The following JAG2 variants were observed in gnomAD, a reference collection of about 807,000 sequenced individuals.
JAG2 encodes the protein protein jagged-2.
Under a neutral mutation model 141.7 loss-of-function variants are expected in JAG2, and 46 were observed. That is an observed-to-expected ratio of 0.32 (90% CI 0.26 to 0.42). The LOEUF (loss-of-function observed/expected upper bound fraction) is 0.42, where lower values mean the gene tolerates loss of function less well. Among genes scored for constraint, JAG2 ranks in the 10% least tolerant of loss-of-function variants. JAG2 has a pLI of 1.00. For missense variants in JAG2, 1,500 were observed against 1,817.5 expected (o/e 0.83, Z 3.18); for synonymous variants, 862 against 763.5 (o/e 1.13, Z -2.13).
intron 2 of JAG2, among the ~76,000 whole-genome samples, chr14:105,163,735 A>G (rs587648145): frequency 6.6e-6 from 1 of 151,040 alleles, no homozygotes; most frequent in South Asian, 2.1e-4. Flanking sequence ...GCAGACAGGG[A>G]CCCTGCTCAG....
chr14:105,148,073 G>A (rs1372779755), intron 17 of JAG2, 43 bp downstream of exon 17: 2 of 1,466,528 alleles, frequency 1.4e-6, no homozygotes, highest in South Asian at 1.2e-5. Flanking sequence ...GTGCCTGGGA[G>A]GGCATATGCC....
Position 105,144,878 on chromosome 14 carries a change from A to G in JAG2, c.3084+52T>C, listed in dbSNP as rs186887988. 7 of 1,583,976 alleles carry G rather than the reference A, an allele frequency of 4.4e-6. No individual in the cohort carries two copies. In the Admixed American group the frequency reaches 1.2e-4, roughly 27 times the overall value. On this transcript the variant is annotated intron_variant, in intron 24 of 25. Transcript: ENST00000331782. ...TCTGTCCAGCATAGCCAGGACCTGC[A>G]TAGTACGGGACCCAGGGCCCACCCA...
In JAG2 at chr14:105,150,549, C is replaced by T; in HGVS notation, c.1602+55G>A. The T allele has an allele frequency of 2.0e-6, 3 of 1,506,666 alleles. No individual in the cohort carries two copies. The East Asian group carries it at 7.4e-5, about 37-fold the overall frequency. The allele number at this position is 1,506,666 out of a possible 1,614,324, so 93.3% of individuals were successfully genotyped here. A position where few individuals can be genotyped will look rare whatever the true frequency, so the allele number is the denominator to read the frequency against. On this transcript the variant is annotated intron_variant, in intron 12 of 25. Transcript: ENST00000331782. ...AGGCCCCATGGTCAGGGGACGAGGC[C>T]TGCCCTACAGCTCCCAGAGCAGCAG...
chr14:105,145,509 G>T (rs1042558589), intron 23 of JAG2, among the ~76,000 whole-genome samples: 1 of 152,184 alleles, frequency 6.6e-6, no homozygotes, highest in Non-Finnish European at 1.5e-5. Flanking sequence ...GGACAAACAG[G>T]CACCCCCAGC....
Position 105,152,298 on chromosome 14 carries a change from G to A in JAG2, c.789-7C>T. ...TTGCCAGCCGTAGCTGCACCTGGGG[G>A]AAGGAGGAGGGGCGCAAGACCCAGT... is the stretch of plus-strand genomic sequence containing the variant. On this transcript the variant is annotated splice_polypyrimidine_tract_variant and splice_region_variant and intron_variant, in intron 5 of 25. Coordinates refer to ENST00000331782, the MANE Select transcript of JAG2 (RefSeq NM_002226.5). 1.2e-6 allele frequency: 2 copies of A among 1,612,718 alleles called. No individual in the cohort carries two copies. The highest frequency in any genetic ancestry group is 1.7e-6 in the Non-Finnish European group (2 of 1,179,744).
Position 105,141,471 on chromosome 14 carries a change from CG to C in JAG2, c.*1223del, listed in dbSNP as rs1566756328. ...TGTTTTCAGCTGTTTTAGTCAGGGTCGGGTGCCAGGCACCTAGACACCCCCC... is the reference window on the plus strand; with the variant it reads ...TGTTTTCAGCTGTTTTAGTCAGGGTCGGTGCCAGGCACCTAGACACCCCCC... On this transcript the variant is annotated 3_prime_UTR_variant, in exon 26 of 26. Transcript: ENST00000331782. 1 of 152,218 alleles carries C rather than the reference CG, an allele frequency of 6.6e-6. No individual in the cohort carries two copies. The highest frequency in any genetic ancestry group is 2.4e-5 in the African/African-American group (1 of 41,444). 9.4% of individuals were successfully genotyped at this position (152,218 alleles called of 1,614,324 possible). A position where few individuals can be genotyped will look rare whatever the true frequency, so the allele number is the denominator to read the frequency against.
chr14:105,150,939 C>CG, intron 10 of JAG2, 28 bp from the exon 11 acceptor site: 4 of 1,592,104 alleles, frequency 2.5e-6, no homozygotes, highest in Non-Finnish European at 3.4e-6. Flanking sequence ...GGGTCAGAGG[C>CG]GGGGTCCCAT....
At chr14:105,161,078 C>G (rs1047176063) in intron 2 of JAG2, among the ~76,000 whole-genome samples, 1 of 150,170 alleles carries the variant, frequency 6.7e-6, no homozygotes, top group Non-Finnish European at 1.5e-5. Context: ...GTGACTGTTG[C>G]GGGTCTGAGT....
Position 105,146,460 on chromosome 14 carries a change from C to T in JAG2, c.2634G>A (p.Pro878=), listed in dbSNP as rs377562088. The change falls in exon 22 of 26, where the codon CCG becomes CCA. Residue 878 remains proline, a synonymous_variant. Transcript: ENST00000331782. ...FGRSCWSRGT[P]FPHGSSWVED... ...CCACCCAGGAGCTTCCGTGTGGGAA[C>T]GGAGTGCCCCGGGACCAGCAGGATC... 1.7e-5 allele frequency: 28 copies of T among 1,612,640 alleles called. No homozygotes were observed. The highest frequency in any genetic ancestry group is 3.3e-5 in the South Asian group (3 of 91,094).
rs772477012 is a variant in JAG2, at chr14:105,142,762, G to A, written c.3650C>T (p.Ser1217Leu). Reference sequence around the variant, plus strand: ...CGCGCGGTTGTCCACTTTGGGGCCTGAGGCCCAGTGGGCCGGCCTCCCCGG... The same window carrying A: ...CGCGCGGTTGTCCACTTTGGGGCCTAAGGCCCAGTGGGCCGGCCTCCCCGG... ...RSPGRPAHWA[S>L]GPKVDNRAVR... Residue 1217 changes from serine to leucine, a missense_variant, in exon 26 of 26, where the codon TCA (serine) becomes TTA (leucine). By Grantham distance (145) the Ser-to-Leu change is moderately radical (BLOSUM62 -2). Transcript: ENST00000331782. The A allele has an allele frequency of 3.7e-6, 6 of 1,610,622 alleles. No individual in the cohort carries two copies. The highest frequency in any genetic ancestry group is 2.2e-5 in the East Asian group (1 of 44,810).
chr14:105,145,956 C>A lies in JAG2; in HGVS notation c.2727G>T (p.Lys909Asn). 1 of 1,590,872 alleles carries A rather than the reference C, an allele frequency of 6.3e-7. No homozygotes were observed. Among genetic ancestry groups the A allele is most frequent in the Non-Finnish European group, 8.5e-7 (1 of 1,170,614 alleles). The change falls in exon 23 of 26, where the codon AAG becomes AAT. Residue 909 changes from lysine (K) to asparagine (N), a missense_variant. Lys to Asn is a moderately conservative substitution (Grantham distance 94). Transcript: ENST00000331782. Reference protein sequence around the residue: ...RDCSKVWCGWKPCLLAGQPEA... With the variant: ...RDCSKVWCGWNPCLLAGQPEA... ...CGGGCTGGCCGGCCAGCAGACAAGG[C>A]TTCCATCCGCACCACACCTGGGCAG...
Position 105,143,042 on chromosome 14 carries a change from C to A in JAG2, c.3370G>T (p.Ala1124Ser). The A allele has an allele frequency of 3.7e-6, 6 of 1,604,120 alleles. No individual in the cohort carries two copies. The highest frequency in any genetic ancestry group is 4.2e-6 in the Non-Finnish European group (5 of 1,179,666). ...TTGAGCGGGGCCCACTGGTTGTTGG[C>A]GCTCTCCTCCCGCGGCAGCCGGCTC... ...ERSRLPREES[A>S]NNQWAPLNPI... is the part of the protein sequence containing the mutation. Residue 1124 changes from alanine to serine, a missense_variant, in exon 26 of 26, where the codon GCC becomes TCC. Ala to Ser is a moderately conservative substitution (Grantham distance 99). Around this residue, in one of 3 missense-constraint regions of JAG2, gnomAD observed 425 missense variants for 441.0 expected, o/e 0.96. Coordinates refer to ENST00000331782, the MANE Select transcript of JAG2 (RefSeq NM_002226.5).
chr14:105,147,976 A>C, intron 17 of JAG2, 88 bp from the exon 18 acceptor site: 1 of 1,216,806 alleles, frequency 8.2e-7, no homozygotes, highest in South Asian at 1.3e-5. Context: ...CAGACAGGGC[A>C]GACAGACCCG....
Position 105,150,847 on chromosome 14 carries a change from C to A in JAG2, c.1428+18G>T, listed in dbSNP as rs1271328604. The A allele has an allele frequency of 6.3e-7, 1 of 1,575,866 alleles. No individual in the cohort carries two copies. The highest frequency in any genetic ancestry group is 1.8e-5 in the Admixed American group (1 of 54,988). On this transcript the variant is annotated intron_variant, in intron 11 of 25. Coordinates refer to ENST00000331782, the MANE Select transcript of JAG2 (RefSeq NM_002226.5). ...CCCCGCAGCACCCACGCCACACACC[C>A]TCCTGGCCCCGCCTCACCTTGCAGG... is the stretch of plus-strand genomic sequence containing the variant.
In JAG2 at chr14:105,144,943, A is replaced by G; in HGVS notation, c.3071T>C (p.Val1024Ala). ...CTGGGCACTCACCACGGCCACCTCCACAGCACTGGCCCCCGAGGACGCCCG... is the reference window on the plus strand; with the variant it reads ...CTGGGCACTCACCACGGCCACCTCCGCAGCACTGGCCCCCGAGGACGCCCG... Reference protein sequence around the residue: ...CDRASSGASAVEVAVSFSPAR... With the variant: ...CDRASSGASAAEVAVSFSPAR... Residue 1024 changes from valine to alanine, a missense_variant, in exon 24 of 26, where the codon GTG (valine) becomes GCG (alanine). This residue lies in a region of JAG2 where 425 missense variants were observed against 441.0 expected (regional missense o/e 0.96). Coordinates refer to ENST00000331782, the MANE Select transcript of JAG2 (RefSeq NM_002226.5). 6.2e-7 allele frequency: 1 copy of G among 1,600,556 alleles called. No individual in the cohort carries two copies. The highest frequency in any genetic ancestry group is 8.5e-7 in the Non-Finnish European group (1 of 1,176,882).
Position 105,143,473 on chromosome 14 carries a change from C to T in JAG2, c.3241+9G>A, listed in dbSNP as rs118005500. On this transcript the variant is annotated intron_variant, in intron 25 of 25. Coordinates refer to ENST00000331782, the MANE Select transcript of JAG2 (RefSeq NM_002226.5). ...GGTGCCTTCCCAGGGGCCCACCTCC[C>T]GCGCTTACCTGTGGAAGAGCCGCCC... 1.4e-5 allele frequency: 21 copies of T among 1,546,256 alleles called. No homozygotes were observed. Among genetic ancestry groups the T allele is most frequent in the African/African-American group, 9.5e-5 (7 of 73,432 alleles).
In JAG2 at chr14:105,143,557, G is replaced by A. The variant is rs371312658; in HGVS notation, c.3166C>T (p.Arg1056Trp). 10 of 1,599,422 alleles carry A rather than the reference G, an allele frequency of 6.3e-6. No individual in the cohort carries two copies. Among genetic ancestry groups the A allele is most frequent in the East Asian group, 4.5e-5 (2 of 44,388 alleles). The change falls in exon 25 of 26, where the codon CGG (arginine) becomes TGG (tryptophan). Residue 1056 changes from arginine (R) to tryptophan (W), a missense_variant. This residue lies in a region of JAG2 where 425 missense variants were observed against 441.0 expected (regional missense o/e 0.96). Transcript: ENST00000331782. ...GCCAGGAGCAGTGAGCTGTTCCCCC[G>A]CTGGGTGATGGCGGCCACGATGGCG... ...AHAIVAAITQ[R>W]GNSSLLLAVT...
At chr14:105,146,075 G>A in intron 22 of JAG2, 102 bp from the exon 23 acceptor site, 2 of 1,514,826 alleles carry the variant, frequency 1.3e-6, no homozygotes, top group Non-Finnish European at 1.8e-6. Flanking sequence ...CCATGCCAAG[G>A]AGGGACACCG....
In JAG2 at chr14:105,149,258, C is replaced by T; in HGVS notation, c.1665G>A (p.Glu555=). The stretch of plus-strand genomic sequence containing the variant: ...CAGGGCAGGCGCAGTAATAGTCACC[C>T]TCCAGGTTATAGCAGCGAGCGCCGT... The part of the protein sequence containing the change: ...CRNGARCYNL[E]GDYYCACPDD... Residue 555 remains glutamate, a synonymous_variant, in exon 13 of 26, where the codon GAG becomes GAA. Transcript: ENST00000331782. 1 of 1,612,692 alleles carries T rather than the reference C, an allele frequency of 6.2e-7. No individual in the cohort carries two copies.
Sources: allele counts gnomAD v4.1 joint callset (sites outside exome capture counted in the v4.1 genomes callset), GRCh38; gene constraint gnomAD v4.1.1; regional missense constraint gnomAD v4.1.1; transcripts MANE v1.5; gene names NCBI Gene and HGNC (gene_info 2026-07-23, HGNC 2026-07-21).